The following RTN4IP1 variants were observed in gnomAD, a reference collection of about 807,000 sequenced individuals.
RTN4IP1 encodes the protein reticulon 4 interacting protein 1, also known as NAD(P)H oxidoreductase RTN4IP1, mitochondrial.
RTN4IP1 carries 32 observed loss-of-function variants against 46.6 expected under a neutral mutation model. The ratio of observed to expected loss-of-function variants is 0.69; its 90% confidence interval spans 0.52 to 0.92. RTN4IP1 has a LOEUF of 0.92. Ranked by LOEUF, RTN4IP1 falls within the 40% of genes least tolerant of loss-of-function variation. RTN4IP1 has a pLI of 0.00. For missense variants in RTN4IP1, 424 were observed against 485.8 expected, an observed-to-expected ratio of 0.87 and a Z score of 1.20; for synonymous variants, 167 against 161.8, an observed-to-expected ratio of 1.03 and a Z score of -0.24.
chr6:106,597,020 G>C (rs1401584470), intron 5 of RTN4IP1, among the ~76,000 whole-genome samples: 3 of 152,110 alleles, frequency 2.0e-5, no homozygotes, highest in Admixed American at 2.0e-4. Flanking sequence ...AGTAGCACAT[G>C]TGCTATTTTG....
chr6:106,598,724 T>A (rs1039872877), intron 5 of RTN4IP1, among the ~76,000 whole-genome samples: 1 of 151,298 alleles, frequency 6.6e-6, no homozygotes, highest in Non-Finnish European at 1.5e-5. Context: ...GTCAATTTTG[T>A]CTTTTGTTGC....
At chr6:106,582,779 C>T (rs1775399135) in intron 8 of RTN4IP1, among the ~76,000 whole-genome samples, 1 of 152,120 alleles carries the variant, frequency 6.6e-6, no homozygotes, top group African/African-American at 2.4e-5. Flanking sequence ...AAAACGATGA[C>T]CAGATGATAA....
At chr6:106,581,496 C>T (rs561952559) in intron 8 of RTN4IP1, among the ~76,000 whole-genome samples, 18 of 152,250 alleles carry the variant, frequency 1.2e-4, no homozygotes, top group South Asian at 8.3e-4. Context: ...AGCAAGGACA[C>T]GACAAGAGAG....
chr6:106,606,745 A>T (rs1776085874), intron 4 of RTN4IP1, among the ~76,000 whole-genome samples: 1 of 152,110 alleles, frequency 6.6e-6, no homozygotes, highest in Non-Finnish European at 1.5e-5. Flanking sequence ...TAAATTAAAT[A>T]AATAAATAGA....
intron 3 of RTN4IP1, among the ~76,000 whole-genome samples, chr6:106,620,908 T>C (rs1377556559): frequency 6.6e-6 from 1 of 152,162 alleles, no homozygotes; most frequent in East Asian, 1.9e-4. Flanking sequence ...TTTACTCTCA[T>C]TTTCTGGAAA....
intron 7 of RTN4IP1, 64 bp downstream of exon 7, chr6:106,587,615 T>C: frequency 6.7e-7 from 1 of 1,499,794 alleles, no homozygotes; most frequent in Non-Finnish European, 9.1e-7. Context: ...ACTGGCTAGG[T>C]GGGAAACCAA....
intron 5 of RTN4IP1, among the ~76,000 whole-genome samples, chr6:106,595,940 G>C (rs966475811): frequency 6.6e-6 from 1 of 152,032 alleles, no homozygotes; most frequent in Non-Finnish European, 1.5e-5. Context: ...ATAATAAATT[G>C]GTTCCCTATC....
chr6:106,615,006 G>C (rs79059400), intron 4 of RTN4IP1, among the ~76,000 whole-genome samples: 2,753 of 121,570 alleles, frequency 0.023, 70 homozygotes, highest in African/African-American at 0.082. Context: ...AGCAAAGGAA[G>C]ATTCATTTCC....
At chr6:106,623,800 A>T (rs757001490) in intron 1 of RTN4IP1, among the ~76,000 whole-genome samples, 1 of 152,238 alleles carries the variant, frequency 6.6e-6, no homozygotes, top group South Asian at 2.1e-4. Context: ...CTCATTCACA[A>T]ACTTTTTAAA....
intron 5 of RTN4IP1, among the ~76,000 whole-genome samples, chr6:106,596,878 C>G (rs536228029): frequency 5.3e-5 from 8 of 152,280 alleles, no homozygotes; most frequent in Admixed American, 5.2e-4. Flanking sequence ...TCTTGGCGCA[C>G]TCTTCCTTGA....
intron 4 of RTN4IP1, among the ~76,000 whole-genome samples, chr6:106,606,194 G>C (rs1257351065): frequency 1.3e-5 from 2 of 152,178 alleles, no homozygotes; most frequent in Non-Finnish European, 2.9e-5. Flanking sequence ...GGCTGAGGCA[G>C]GCAGATCGCT....
chr6:106,605,155 G>C (rs1776031187), intron 4 of RTN4IP1, among the ~76,000 whole-genome samples: 1 of 152,224 alleles, frequency 6.6e-6, no homozygotes, highest in Non-Finnish European at 1.5e-5. Flanking sequence ...TGCCCAACAG[G>C]CCAAGCGCGG....
At chr6:106,619,130 C>T (rs921169818) in intron 4 of RTN4IP1, 72 bp downstream of exon 4, 10 of 1,543,950 alleles carry the variant, frequency 6.5e-6, no homozygotes, top group Non-Finnish European at 8.9e-6. Flanking sequence ...AAAGCTCTGA[C>T]AAATCTACTG....
At chr6:106,626,844 C>T (rs541406808) in intron 1 of RTN4IP1, among the ~76,000 whole-genome samples, 2 of 152,308 alleles carry the variant, frequency 1.3e-5, no homozygotes, top group South Asian at 2.1e-4. Context: ...TTAATCCCAT[C>T]TAAAGACACC....
intron 5 of RTN4IP1, among the ~76,000 whole-genome samples, chr6:106,599,308 T>C (rs988592291): frequency 6.6e-6 from 1 of 151,994 alleles, no homozygotes; most frequent in Non-Finnish European, 1.5e-5. Flanking sequence ...GCTTAACAAA[T>C]TATTACAAAG....
Position 106,572,090 on chromosome 6 carries a change from A to G in RTN4IP1, c.1097T>C (p.Ile366Thr), listed in dbSNP as rs1775079918. 1.9e-6 allele frequency: 3 copies of G among 1,613,744 alleles called. No homozygotes were observed. The African/African-American group carries it at 4.0e-5, about 22-fold the overall frequency. ...TTTAGAAAAAGGAAAGGTTTGTTCA[A>G]TAACTGGCCGGATCTGTAAAACATA... ...LVDAGKIRPV[I>T]EQTFPFSKVP... The change falls in exon 9 of 9, where the codon ATT becomes ACT. Residue 366 changes from isoleucine (I) to threonine (T), a missense_variant. Physicochemically the swap from Ile to Thr is moderately conservative, Grantham distance 89 (BLOSUM62 -1). Coordinates refer to ENST00000369063, the MANE Select transcript of RTN4IP1 (RefSeq NM_032730.5).
At chr6:106,610,282 T>C (rs1315395393) in intron 4 of RTN4IP1, among the ~76,000 whole-genome samples, 1 of 152,112 alleles carries the variant, frequency 6.6e-6, no homozygotes, top group Admixed American at 6.5e-5. Context: ...CAGGCTGGTC[T>C]CGAACTCCTG....
chr6:106,587,909 T>A (rs1390825367), intron 6 of RTN4IP1, 47 bp from the exon 7 acceptor site: 1 of 1,504,478 alleles, frequency 6.6e-7, no homozygotes, highest in Non-Finnish European at 9.0e-7. Flanking sequence ...GGCTTTACAC[T>A]GGACTCTGAT....
intron 8 of RTN4IP1, among the ~76,000 whole-genome samples, chr6:106,579,864 T>A (rs576211978): frequency 1.5e-4 from 23 of 151,598 alleles, no homozygotes; most frequent in African/African-American, 5.1e-4. Context: ...TCCTCCCACC[T>A]CAAACTTTTA....
Sources: allele counts gnomAD v4.1 joint callset (sites outside exome capture counted in the v4.1 genomes callset), GRCh38; gene constraint gnomAD v4.1.1; transcripts MANE v1.5; gene names NCBI Gene and HGNC (gene_info 2026-07-23, HGNC 2026-07-21).